Variants in ARHGAP10 observed in about 807,000 individuals in gnomAD.
ARHGAP10 encodes the protein rho GTPase-activating protein 10.
In ARHGAP10, 87 loss-of-function variants were observed where a neutral mutation model predicts 108.6. The ratio of observed to expected loss-of-function variants is 0.80; its 90% CI spans 0.67 to 0.96. The LOEUF (loss-of-function observed/expected upper bound fraction) is 0.96, where lower values mean the gene tolerates loss of function less well. Ranked by LOEUF, ARHGAP10 falls within the 40% of genes least tolerant of loss-of-function variation. The probability of loss-of-function intolerance (pLI) is 0.00; values close to 1 mark genes in which losing one functional copy is unlikely to be tolerated. For missense variants in ARHGAP10, 939 were observed against 954.5 expected, an observed-to-expected ratio of 0.98 and a Z score of 0.21; for synonymous variants, 347 against 341.1, an observed-to-expected ratio of 1.02 and a Z score of -0.19.
intron 1 of ARHGAP10, among the ~76,000 whole-genome samples, chr4:147,821,795 C>T (rs1424635525): frequency 6.6e-6 from 1 of 152,178 alleles, no homozygotes; most frequent in Non-Finnish European, 1.5e-5. Flanking sequence ...GTGTGAAGTG[C>T]AGAAGTCAGT....
chr4:147,909,867 T>TG, intron 12 of ARHGAP10, 90 bp downstream of exon 12: 1 of 1,265,658 alleles, frequency 7.9e-7, no homozygotes, highest in South Asian at 1.3e-5. Flanking sequence ...GCTGGGAGCT[T>TG]ACTCTCTGCA....
At chr4:147,962,029 C>G (rs1739018064) in intron 16 of ARHGAP10, among the ~76,000 whole-genome samples, 1 of 152,188 alleles carries the variant, frequency 6.6e-6, no homozygotes, top group African/African-American at 2.4e-5. Flanking sequence ...AGTGGTCACA[C>G]CTCCTGGAGA....
intron 1 of ARHGAP10, among the ~76,000 whole-genome samples, chr4:147,782,236 G>A (rs1474148789): frequency 6.6e-6 from 1 of 152,130 alleles, no homozygotes; most frequent in Non-Finnish European, 1.5e-5. Context: ...TGACAGTTTG[G>A]CACAGTATGG....
At position 148,063,128 on chromosome 4, in the gene ARHGAP10, C is replaced by T. The variant is rs1287348288; in HGVS notation, c.2028-20C>T. 1 of 1,613,492 alleles carries T rather than the reference C, an allele frequency of 6.2e-7. No homozygotes were observed. On this transcript the variant is annotated intron_variant, in intron 20 of 22. Transcript: ENST00000336498. ...TGGCCTTTCTGCTATTAATCCTGTC[C>T]TTCAAACTCCTACCCTTAGCCCAGG...
intron 1 of ARHGAP10, among the ~76,000 whole-genome samples, chr4:147,759,210 G>A (rs11944579): frequency 0.098 from 14,920 of 152,068 alleles, 1,172 homozygotes; most frequent in African/African-American, 0.22. Context: ...CCACTTACCA[G>A]TTTTATCTGA....
chr4:147,821,349 A>G (rs1732492884), intron 1 of ARHGAP10, among the ~76,000 whole-genome samples: 1 of 152,158 alleles, frequency 6.6e-6, no homozygotes, highest in Non-Finnish European at 1.5e-5. Flanking sequence ...ATGTGCCTGC[A>G]AGGAGGGCTG....
At chr4:147,878,701 T>C (rs747688227) in intron 8 of ARHGAP10, among the ~76,000 whole-genome samples, 2 of 152,216 alleles carry the variant, frequency 1.3e-5, no homozygotes, top group Non-Finnish European at 2.9e-5. Flanking sequence ...TTAAACAGTA[T>C]GTCTTTAAAT....
chr4:147,798,815 A>G (rs1229579841), intron 1 of ARHGAP10, among the ~76,000 whole-genome samples: 2 of 123,824 alleles, frequency 1.6e-5, no homozygotes, highest in Non-Finnish European at 3.3e-5. Flanking sequence ...ATATATATAT[A>G]TAGACTTTTT....
chr4:147,976,343 A>G (rs897397305), intron 18 of ARHGAP10, among the ~76,000 whole-genome samples: 2 of 152,246 alleles, frequency 1.3e-5, no homozygotes, highest in Admixed American at 1.3e-4. Flanking sequence ...TTAAACAACA[A>G]CAACAATAGC....
intron 9 of ARHGAP10, among the ~76,000 whole-genome samples, chr4:147,880,625 T>C (rs903641986): frequency 3.9e-5 from 6 of 152,230 alleles, no homozygotes; most frequent in Non-Finnish European, 7.3e-5. Flanking sequence ...TTCTGGAAAA[T>C]GTTAAAATGT....
At chr4:147,983,287 G>A (rs1205072294) in intron 18 of ARHGAP10, among the ~76,000 whole-genome samples, 3 of 150,538 alleles carry the variant, frequency 2.0e-5, no homozygotes, top group Non-Finnish European at 4.4e-5. Flanking sequence ...CCGGGTTCAC[G>A]CCATTCTCCT....
chr4:147,762,337 A>G (rs1256072892), intron 1 of ARHGAP10, among the ~76,000 whole-genome samples: 2 of 151,918 alleles, frequency 1.3e-5, no homozygotes, highest in East Asian at 1.9e-4. Context: ...AAATCTAGGT[A>G]TGCCACAAAT....
At chr4:147,939,804 A>G (rs1158850462) in intron 13 of ARHGAP10, 21 bp from the exon 14 acceptor site, 4 of 1,606,046 alleles carry the variant, frequency 2.5e-6, no homozygotes, top group Non-Finnish European at 3.4e-6. Context: ...TATTTTGCTA[A>G]TAGTTTGTTT....
intron 4 of ARHGAP10, among the ~76,000 whole-genome samples, chr4:147,851,404 G>A (rs962966968): frequency 6.6e-6 from 1 of 151,986 alleles, no homozygotes; most frequent in African/African-American, 2.4e-5. Context: ...TTGTAGAGAC[G>A]GTCTCTCTGT....
intron 13 of ARHGAP10, among the ~76,000 whole-genome samples, chr4:147,920,371 C>T (rs911948462): frequency 2.0e-5 from 3 of 151,724 alleles, no homozygotes; most frequent in South Asian, 2.1e-4. Context: ...GAGCGGATTG[C>T]GCCACTGCAC....
chr4:147,910,741 A>G (rs1323375656), intron 12 of ARHGAP10, among the ~76,000 whole-genome samples: 1 of 152,174 alleles, frequency 6.6e-6, no homozygotes, highest in Non-Finnish European at 1.5e-5. Context: ...TTTACTTTTG[A>G]CATATTTGGA....
chr4:147,894,461 G>A (rs557652579), intron 10 of ARHGAP10, among the ~76,000 whole-genome samples: 4 of 152,024 alleles, frequency 2.6e-5, no homozygotes, highest in South Asian at 2.1e-4. Context: ...ATCATTTACC[G>A]GATATAATAA....
intron 1 of ARHGAP10, among the ~76,000 whole-genome samples, chr4:147,794,643 A>G (rs1174363410): frequency 6.6e-6 from 1 of 152,120 alleles, no homozygotes; most frequent in Non-Finnish European, 1.5e-5. Flanking sequence ...TATATGGTAC[A>G]TATTTTGTTA....
intron 3 of ARHGAP10, among the ~76,000 whole-genome samples, chr4:147,830,809 C>G (rs565872835): frequency 6.6e-6 from 1 of 152,104 alleles, no homozygotes; most frequent in Non-Finnish European, 1.5e-5. Flanking sequence ...TGTGAGCCAC[C>G]GCACCCAGTT....
Sources: allele counts gnomAD v4.1 joint callset (sites outside exome capture counted in the v4.1 genomes callset), GRCh38; gene constraint gnomAD v4.1.1; transcripts MANE v1.5; gene names NCBI Gene and HGNC (gene_info 2026-07-23, HGNC 2026-07-21).